R3HDM1: variants seen among roughly 807,000 people sequenced by gnomAD.
The protein encoded by R3HDM1 is R3H domain-containing protein 1.
A neutral mutation model predicts 141.1 loss-of-function variants in R3HDM1; 46 were observed. The ratio of observed to expected loss-of-function variants is 0.33; its 90% CI spans 0.26 to 0.42. The LOEUF is 0.42. Ranked by LOEUF, R3HDM1 falls within the 10% of genes least tolerant of loss-of-function variation. The pLI is 1.00. For missense variants in R3HDM1, 1,184 were observed against 1,368.3 expected, an observed-to-expected ratio of 0.87 and a Z score of 2.12; for synonymous variants, 435 against 472.9, an observed-to-expected ratio of 0.92 and a Z score of 1.04.
chr2:135,658,145 T>C (rs1292510205), intron 18 of R3HDM1, among the ~76,000 whole-genome samples: 1 of 152,206 alleles, frequency 6.6e-6, no homozygotes, highest in Admixed American at 6.5e-5. Flanking sequence ...AAATATGATA[T>C]AAAAGTTTTG....
At chr2:135,549,327 G>T (rs1699360515) in intron 1 of R3HDM1, among the ~76,000 whole-genome samples, 1 of 151,938 alleles carries the variant, frequency 6.6e-6, no homozygotes, top group East Asian at 1.9e-4. Flanking sequence ...GGCAGAGGCA[G>T]GTGGATCACC....
rs1559465797 is a variant in R3HDM1 at position 135,699,032 on chromosome 2, T to TTG, written c.2460-10401_2460-10400insTG. ...ATAGATAGATAGATAGATAGATAGATAGATAGATAGATAAGATAGATAAGA... is the reference window on the plus strand; with the variant it reads ...ATAGATAGATAGATAGATAGATAGATTGAGATAGATAGATAAGATAGATAAGA... On this transcript the variant is annotated intron_variant, in intron 21 of 26. Coordinates refer to ENST00000683871, the MANE Select transcript of R3HDM1 (RefSeq NM_001378107.1). 1.9e-3 allele frequency among the ~76,000 whole-genome samples: 180 copies of TTG among 95,506 alleles called. 3 individuals carry two copies. Among genetic ancestry groups the TTG allele is most frequent in the African/African-American group, 6.4e-3 (175 of 27,220 alleles). 62.7% of individuals were successfully genotyped at this position (95,506 alleles called of 152,430 possible).
chr2:135,632,079 A>G, intron 9 of R3HDM1, 78 bp downstream of exon 9: 5 of 1,187,412 alleles, frequency 4.2e-6, no homozygotes, highest in Non-Finnish European at 5.6e-6. Flanking sequence ...CTTTCATCTG[A>G]GGTTTTCCAC....
At chr2:135,588,640 A>AT (rs1380531616) in intron 1 of R3HDM1, among the ~76,000 whole-genome samples, 8 of 152,222 alleles carry the variant, frequency 5.3e-5, no homozygotes, top group African/African-American at 1.9e-4. Context: ...GATTGAAGTC[A>AT]TTATTTAAAA....
At chr2:135,661,128 T>C in intron 18 of R3HDM1, 142 bp from the exon 19 acceptor site, 1 of 1,077,200 alleles carries the variant, frequency 9.3e-7, no homozygotes, top group Non-Finnish European at 1.3e-6. Context: ...TTTTTTAAAT[T>C]TCAGTTAAAT....
chr2:135,691,538 T>A (rs2072375091), intron 21 of R3HDM1, among the ~76,000 whole-genome samples: 1 of 151,810 alleles, frequency 6.6e-6, no homozygotes, highest in African/African-American at 2.4e-5. Context: ...CCCAGGAAGT[T>A]GAGGCTGCAG....
chr2:135,572,354 G>A (rs1704326537), intron 1 of R3HDM1, among the ~76,000 whole-genome samples: 1 of 152,198 alleles, frequency 6.6e-6, no homozygotes, highest in South Asian at 2.1e-4. Context: ...CAATTTAAAA[G>A]GGGCAAATGA....
chr2:135,583,521 G>C (rs1045113282), intron 1 of R3HDM1, among the ~76,000 whole-genome samples: 1 of 152,136 alleles, frequency 6.6e-6, no homozygotes, highest in Non-Finnish European at 1.5e-5. Context: ...CTTGTTCAAT[G>C]ACCATCTCTC....
chr2:135,633,286 G>C (rs1395091497), intron 9 of R3HDM1, among the ~76,000 whole-genome samples: 1 of 152,136 alleles, frequency 6.6e-6, no homozygotes, highest in Admixed American at 6.5e-5. Context: ...AGCTAGAGGT[G>C]AATAGAACTG....
chr2:135,610,467 T>C (rs895516734), intron 3 of R3HDM1, among the ~76,000 whole-genome samples: 2 of 152,222 alleles, frequency 1.3e-5, no homozygotes, highest in Admixed American at 6.5e-5. Context: ...GTACATGTTT[T>C]GTATATTCTG....
In R3HDM1 at chr2:135,709,460, A is replaced by G. The variant is rs772314384; in HGVS notation, c.2487A>G (p.Pro829=). The change falls in exon 22 of 27, where the codon CCA becomes CCG. Residue 829 remains proline (P), a synonymous_variant. Transcript: ENST00000683871. ...CTTCAGTAGGTTACCTGCAACATCC[A>G]GGATCAGAACAAGTACAATTTCCTC... ...LSSSVGYLQH[P]GSEQVQFPRT... 5 of 1,614,052 alleles carry G rather than the reference A, an allele frequency of 3.1e-6. No homozygotes were observed. The highest frequency in any genetic ancestry group is 4.2e-6 in the Non-Finnish European group (5 of 1,180,028).
chr2:135,652,602 T>C (rs1344800667), intron 18 of R3HDM1, among the ~76,000 whole-genome samples: 1 of 152,268 alleles, frequency 6.6e-6, no homozygotes, highest in Non-Finnish European at 1.5e-5. Context: ...GATATTGGTC[T>C]GCAGTTTGCT....
chr2:135,621,211 T>C (rs919622040), intron 5 of R3HDM1, among the ~76,000 whole-genome samples: 2 of 152,032 alleles, frequency 1.3e-5, no homozygotes, highest in Admixed American at 6.6e-5. Context: ...ATTTTACAAG[T>C]TGATGCACTT....
rs148125749 is a variant in R3HDM1 at position 135,710,221 on chromosome 2, A to T, written c.2726A>T (p.Asn909Ile). 7 of 1,612,910 alleles carry T rather than the reference A, an allele frequency of 4.3e-6. No individual in the cohort carries two copies. The highest frequency in any genetic ancestry group is 5.9e-6 in the Non-Finnish European group (7 of 1,179,398). ...QKCVEFSSVD[N>I]IVQHSPQLSS... is the part of the protein sequence containing the mutation. ...TGTGTAGAATTTAGCAGTGTAGACA[A>T]TATTGTCCAGGTAAGATGGTTTTGT... is the stretch of plus-strand genomic sequence containing the variant. Residue 909 changes from asparagine to isoleucine, a missense_variant, in exon 23 of 27, where the codon AAT becomes ATT. Physicochemically the swap from Asn to Ile is moderately radical, Grantham distance 149. This residue lies in a region of R3HDM1 where 563 missense variants were observed against 562.0 expected (regional missense o/e 1.00). Transcript: ENST00000683871.
intron 3 of R3HDM1, 91 bp from the exon 4 acceptor site, chr2:135,616,061 G>A (rs2060995053): frequency 7.9e-7 from 1 of 1,272,020 alleles, no homozygotes; most frequent in Admixed American, 1.8e-5. Context: ...TTTATGCACA[G>A]TTAGTTTTTC....
chr2:135,594,771 T>C (rs1277417240), intron 1 of R3HDM1, among the ~76,000 whole-genome samples: 2 of 152,022 alleles, frequency 1.3e-5, no homozygotes, highest in Non-Finnish European at 2.9e-5. Context: ...AGATTTTCCT[T>C]CTTATTACCT....
rs369002339 is a variant in R3HDM1 at position 135,723,929 on chromosome 2, T to C, written c.3050-8T>C. The C allele has an allele frequency of 3.3e-5, 53 of 1,598,182 alleles. No individual in the cohort carries two copies. In the African/African-American group the frequency reaches 6.3e-4, roughly 19 times the overall value. On this transcript the variant is annotated splice_region_variant and splice_polypyrimidine_tract_variant and intron_variant, in intron 26 of 26. Transcript: ENST00000683871. ...GAATGTATTGATTCTGTACCTTTTC[T>C]ATTCTAGTTGTTGGGAAGGTCTTGG... is the stretch of plus-strand genomic sequence containing the variant.
intron 1 of R3HDM1, among the ~76,000 whole-genome samples, chr2:135,571,702 C>G (rs1215460037): frequency 6.6e-6 from 1 of 152,138 alleles, no homozygotes; most frequent in East Asian, 1.9e-4. Flanking sequence ...TCACAGCTCA[C>G]TGCAGCCTCT....
At chr2:135,569,899 T>G (rs570163176) in intron 1 of R3HDM1, among the ~76,000 whole-genome samples, 31 of 152,130 alleles carry the variant, frequency 2.0e-4, no homozygotes, top group African/African-American at 7.5e-4. Context: ...GCTAATTTTT[T>G]GTATTTTTAG....
Sources: gnomAD v4.1 joint callset for allele counts (sites outside exome capture counted in the v4.1 genomes callset) on GRCh38, gnomAD v4.1.1 for gene constraint, gnomAD v4.1.1 regional missense constraint, MANE v1.5 for transcripts, NCBI Gene and HGNC (gene_info 2026-07-23, HGNC 2026-07-21) for gene names.